The following ACAD8 variants were observed in gnomAD, a reference collection of about 807,000 sequenced individuals.
The protein encoded by ACAD8 is isobutyryl-CoA dehydrogenase, mitochondrial.
ACAD8 carries 47 observed loss-of-function variants against 53.1 expected under a neutral mutation model. The observed-to-expected ratio is 0.89, with a 90% CI of 0.70 to 1.13. The LOEUF (loss-of-function observed/expected upper bound fraction) is 1.13, where lower values mean the gene tolerates loss of function less well. Ranked by LOEUF, ACAD8 falls within the 50% of genes most tolerant of loss-of-function variation. The pLI is 0.00. For missense variants in ACAD8, 494 were observed against 535.0 expected, an observed-to-expected ratio of 0.92 and a Z score of 0.76; for synonymous variants, 198 against 201.3, an observed-to-expected ratio of 0.98 and a Z score of 0.14.
chr11:134,256,937 A>G, intron 2 of ACAD8, 151 bp from the exon 3 acceptor site: 1 of 852,586 alleles, frequency 1.2e-6, no homozygotes, highest in African/African-American at 1.7e-5. Context: ...GACCCATGTT[A>G]ACTGATAACC....
chr11:134,261,823 A>T lies in ACAD8; in HGVS notation c.1025A>T (p.Glu342Val). The change falls in exon 9 of 11, where the codon GAG becomes GTG. Residue 342 changes from glutamate to valine, a missense_variant. By Grantham distance (121) the Glu-to-Val change is moderately radical (BLOSUM62 -2). Coordinates refer to ENST00000281182, the MANE Select transcript of ACAD8 (RefSeq NM_014384.3). This position sits in a 1 kb window ranked among gnomAD's most constrained non-coding sequence, Gnocchi z 4.2. Reference protein sequence around the residue: ...MVRNAAVALQEERKDAVALCS... With the variant: ...MVRNAAVALQVERKDAVALCS... ...CGCAATGCAGCAGTGGCTCTGCAGG[A>T]GGAGAGGAAGGATGCAGTGGCCTTG... 6.2e-7 allele frequency: 1 copy of T among 1,614,186 alleles called. No homozygotes were observed. The highest frequency in any genetic ancestry group is 8.5e-7 in the Non-Finnish European group (1 of 1,180,042).
intron 10 of ACAD8, chr11:134,263,884 C>T: frequency 1.0e-6 from 1 of 985,414 alleles, no homozygotes; most frequent in Non-Finnish European, 1.2e-6. Context: ...GACGATGTGA[C>T]TACTGATTCC....
At chr11:134,257,005 C>G (rs1010777457) in intron 2 of ACAD8, 83 bp from the exon 3 acceptor site, 40 of 1,428,290 alleles carry the variant, frequency 2.8e-5, no homozygotes, top group Non-Finnish European at 4.0e-5. Flanking sequence ...CATGTGCAAG[C>G]CTCCTAATCC....
Position 134,262,530 on chromosome 11 carries a change from A to T in ACAD8, c.1103A>T (p.Gln368Leu), listed in dbSNP as rs750383034. The T allele has an allele frequency of 6.2e-7, 1 of 1,612,102 alleles. No homozygotes were observed. Among genetic ancestry groups the T allele is most frequent in the Non-Finnish European group, 8.5e-7 (1 of 1,178,258 alleles). The stretch of plus-strand genomic sequence containing the variant: ...CCTGTCTCCCTGCAGATCTGCAACC[A>T]GGCCTTGCAGATGCACGGGGGCTAC... ...ATDECFAICN[Q>L]ALQMHGGYGY... The change falls in exon 10 of 11, where the codon CAG becomes CTG. Residue 368 changes from glutamine to leucine, a missense_variant. Gln to Leu is a moderately radical substitution (Grantham distance 113, BLOSUM62 -2). Coordinates refer to ENST00000281182, the MANE Select transcript of ACAD8 (RefSeq NM_014384.3).
intron 5 of ACAD8, 194 bp from the exon 6 acceptor site, chr11:134,259,414 T>TCAGGAGGACC: frequency 5.1e-6 from 3 of 588,244 alleles, no homozygotes; most frequent in African/African-American, 4.8e-5. Context: ...GACCTTATTG[T>TCAGGAGGACC]CAGTCTCTGT....
rs1939539580 is a variant in ACAD8 at position 134,256,576 on chromosome 11, A to G, written c.138A>G (p.Lys46=). The change falls in exon 2 of 11, where the codon AAA becomes AAG. Residue 46 remains lysine (K), a synonymous_variant. Coordinates refer to ENST00000281182, the MANE Select transcript of ACAD8 (RefSeq NM_014384.3). Reference sequence around the variant, plus strand: ...CCATGGGACTTAATGAAGAGCAGAAAGAATTTCAAAAAGTGGCCTTTGACT... The same window carrying G: ...CCATGGGACTTAATGAAGAGCAGAAGGAATTTCAAAAAGTGGCCTTTGACT... ...DPSMGLNEEQ[K]EFQKVAFDFA... 2 of 1,614,144 alleles carry G rather than the reference A, an allele frequency of 1.2e-6. No individual in the cohort carries two copies. The highest frequency in any genetic ancestry group is 1.7e-6 in the Non-Finnish European group (2 of 1,180,048).
At chr11:134,255,553 G>A (rs572487646) in intron 1 of ACAD8, among the ~76,000 whole-genome samples, 3 of 152,354 alleles carry the variant, frequency 2.0e-5, no homozygotes, top group Non-Finnish European at 2.9e-5. Context: ...GTACAAAATT[G>A]TGTGAATAAA....
intron 9 of ACAD8, chr11:134,262,182 C>A (rs1398679130): frequency 1.2e-5 from 8 of 654,990 alleles, no homozygotes; most frequent in Admixed American, 2.1e-5. Context: ...TAGCACTCTG[C>A]CATGTTTACA....
intron 9 of ACAD8, chr11:134,262,108 C>A: frequency 1.5e-6 from 1 of 688,430 alleles, no homozygotes; most frequent in Non-Finnish European, 2.6e-6. Flanking sequence ...TTCATTATGT[C>A]ACTGTTGTTT....
chr11:134,260,138 A>G (rs534250115), intron 6 of ACAD8: 1 of 1,159,862 alleles, frequency 8.6e-7, no homozygotes, highest in South Asian at 1.8e-5. Flanking sequence ...TGCTTCTTTG[A>G]TTAAAAATAA....
Position 134,263,820 on chromosome 11 carries a change from T to G in ACAD8, c.1196-1088T>G, listed in dbSNP as rs926663450. ...TGGGGCACTCATCACTGTATCACTT[T>G]GTTTCATCATGGACTTTACTGTTGG... On this transcript the variant is annotated intron_variant, in intron 10 of 10. Transcript: ENST00000281182. The G allele has an allele frequency of 5.0e-5, 49 of 985,448 alleles. 1 individual carries two copies. The highest frequency in any genetic ancestry group is 3.1e-4 in the Admixed American group (5 of 16,290). 61.0% of individuals were successfully genotyped at this position (985,448 alleles called of 1,614,324 possible).
intron 1 of ACAD8, among the ~76,000 whole-genome samples, chr11:134,255,544 T>C (rs189217129): frequency 6.6e-6 from 1 of 152,384 alleles, no homozygotes; most frequent in East Asian, 1.9e-4. Context: ...GCAACCCTTG[T>C]ACAAAATTGT....
chr11:134,263,434 G>T, intron 10 of ACAD8: 2 of 984,032 alleles, frequency 2.0e-6, no homozygotes, highest in Non-Finnish European at 2.4e-6. Flanking sequence ...AGAGGGTCTA[G>T]TGTGGGCCTG....
In ACAD8 at chr11:134,262,957, CAG is replaced by C. The variant is rs963691595; in HGVS notation, c.1195+336_1195+337del. 1.8e-5 allele frequency: 22 copies of C among 1,250,030 alleles called. No homozygotes were observed. The African/African-American group carries it at 3.2e-4, about 18-fold the overall frequency. The allele number at this position is 1,250,030 out of a possible 1,614,324, so 77.4% of individuals were successfully genotyped here. A position where few individuals can be genotyped will look rare whatever the true frequency, so the allele number is the denominator to read the frequency against. On this transcript the variant is annotated intron_variant, in intron 10 of 10. Coordinates refer to ENST00000281182, the MANE Select transcript of ACAD8 (RefSeq NM_014384.3). ...CTAAGGTTATCGAGTACGTGGTTCT[CAG>C]GGATCCAAGAACAGTGATGGACAAG... is the stretch of plus-strand genomic sequence containing the variant.
Position 134,259,649 on chromosome 11 carries a change from C to G in ACAD8, c.609C>G (p.Val203=). ...CTGGTGAGTCAGACATCTATGTGGT[C>G]ATGTGCCGAACAGGAGGACCAGGCC... ...SGAGESDIYV[V]MCRTGGPGPK... Residue 203 remains valine (V), a synonymous_variant, in exon 6 of 11, where the codon GTC becomes GTG. Coordinates refer to ENST00000281182, the MANE Select transcript of ACAD8 (RefSeq NM_014384.3). 6.2e-7 allele frequency: 1 copy of G among 1,614,178 alleles called. No individual in the cohort carries two copies. The highest frequency in any genetic ancestry group is 8.5e-7 in the Non-Finnish European group (1 of 1,180,038).
At chr11:134,262,971 C>A (rs1939986982) in intron 10 of ACAD8, 5 of 1,227,630 alleles carry the variant, frequency 4.1e-6, no homozygotes, top group Non-Finnish European at 5.2e-6. Flanking sequence ...GATCCAAGAA[C>A]AGTGATGGAC....
At chr11:134,264,814 A>G in intron 10 of ACAD8, 94 bp from the exon 11 acceptor site, 2 of 1,058,710 alleles carry the variant, frequency 1.9e-6, no homozygotes, top group Non-Finnish European at 3.0e-6. Flanking sequence ...ATCTGCAGCT[A>G]CTCTGAACTA....
chr11:134,262,649 T>C (rs764155023), intron 10 of ACAD8, 27 bp downstream of exon 10: 6 of 1,602,258 alleles, frequency 3.7e-6, no homozygotes, highest in African/African-American at 1.3e-5. Flanking sequence ...GTTATTCTCT[T>C]CCCTTCAGAA....
chr11:134,261,629 T>C lies in ACAD8; in HGVS notation c.940-109T>C, dbSNP rs781174304. 1 of 1,579,082 alleles carries C rather than the reference T, an allele frequency of 6.3e-7. No individual in the cohort carries two copies. Among genetic ancestry groups the C allele is most frequent in the Non-Finnish European group, 8.6e-7 (1 of 1,168,332 alleles). On this transcript the variant is annotated intron_variant, in intron 8 of 10. Transcript: ENST00000281182. This position sits in a 1 kb window ranked among gnomAD's most constrained non-coding sequence, Gnocchi z 4.2. ...TAGAAAAAGCAAGAGACTTTGAAGCTTTGGATCACTTAGAAAAGGCGCCTC... is the reference window on the plus strand; with the variant it reads ...TAGAAAAAGCAAGAGACTTTGAAGCCTTGGATCACTTAGAAAAGGCGCCTC...
Sources: gnomAD v4.1 joint callset for allele counts (sites outside exome capture counted in the v4.1 genomes callset) on GRCh38, gnomAD v4.1.1 for gene constraint, Gnocchi (gnomAD v3.1) non-coding constraint, MANE v1.5 for transcripts, NCBI Gene and HGNC (gene_info 2026-07-23, HGNC 2026-07-21) for gene names.